OCA2: variants seen among roughly 807,000 people sequenced by gnomAD.
OCA2 encodes the protein OCA2 melanosomal transmembrane protein, also known as P protein.
In OCA2, 77 loss-of-function variants were observed where a neutral mutation model predicts 100.2. That is an observed-to-expected ratio of 0.77 (90% CI 0.64 to 0.93). The LOEUF is 0.93. Among genes scored for constraint, OCA2 ranks in the 40% least tolerant of loss-of-function variants. OCA2 has a pLI of 0.00. For missense variants in OCA2, 1,062 were observed against 1,089.1 expected (o/e 0.98, Z 0.35); for synonymous variants, 432 against 439.2 (o/e 0.98, Z 0.21).
At chr15:28,044,154 C>T (rs2043281391) in intron 2 of OCA2, among the ~76,000 whole-genome samples, 1 of 152,170 alleles carries the variant, frequency 6.6e-6, no homozygotes, top group Non-Finnish European at 1.5e-5. Context: ...GTACAACTTG[C>T]TCAACAGTGA....
At chr15:28,022,044 C>T (rs1338527946) in intron 6 of OCA2, among the ~76,000 whole-genome samples, 1 of 152,216 alleles carries the variant, frequency 6.6e-6, no homozygotes, top group East Asian at 1.9e-4. Flanking sequence ...TCTGTATCTA[C>T]TATCCTACAG....
intron 19 of OCA2, among the ~76,000 whole-genome samples, chr15:27,897,052 T>C (rs886352904): frequency 1.8e-4 from 27 of 151,932 alleles, no homozygotes; most frequent in African/African-American, 6.3e-4. Context: ...TAGCCGGGTG[T>C]GGTGGTGGGT....
chr15:27,769,192 G>A (rs1389217626), intron 23 of OCA2, among the ~76,000 whole-genome samples: 2 of 152,220 alleles, frequency 1.3e-5, no homozygotes, highest in African/African-American at 4.8e-5. Context: ...CCTCCGGGGT[G>A]ATTTTCAATC....
At chr15:27,986,150 G>A (rs2041345915) in intron 12 of OCA2, among the ~76,000 whole-genome samples, 1 of 152,220 alleles carries the variant, frequency 6.6e-6, no homozygotes, top group Non-Finnish European at 1.5e-5. Flanking sequence ...GAGCTGGCTG[G>A]TGAAGCTCCC....
At chr15:27,976,188 C>T (rs759883882) in intron 14 of OCA2, among the ~76,000 whole-genome samples, 13 of 152,132 alleles carry the variant, frequency 8.5e-5, no homozygotes, top group Admixed American at 2.6e-4. Flanking sequence ...TCTACGTGGA[C>T]GATTGTGTCA....
chr15:27,953,328 A>G (rs1198880690), intron 17 of OCA2, among the ~76,000 whole-genome samples: 5 of 151,928 alleles, frequency 3.3e-5, no homozygotes, highest in Admixed American at 3.3e-4. Flanking sequence ...CCCCTCCTCT[A>G]TGTGCAGTGG....
chr15:27,895,552 T>G (rs2037652344), intron 19 of OCA2, among the ~76,000 whole-genome samples: 1 of 152,166 alleles, frequency 6.6e-6, no homozygotes, highest in Non-Finnish European at 1.5e-5. Context: ...TCTTCTTATG[T>G]TTTAGCAAAG....
chr15:27,986,586 C>T lies in OCA2; in HGVS notation c.1239+1G>A. ...ATTATTAAATGCAACATCATACCTA[C>T]CTTTACAGCACAATAATCGAAAAAT... is the stretch of plus-strand genomic sequence containing the variant. On this transcript the variant is annotated splice_donor_variant, in intron 12 of 23. Transcript: ENST00000354638. LOFTEE classifies it high-confidence loss of function. 3 of 1,565,148 alleles carry T rather than the reference C, an allele frequency of 1.9e-6. No individual in the cohort carries two copies. Among genetic ancestry groups the T allele is most frequent in the South Asian group, 1.1e-5 (1 of 90,130 alleles).
At chr15:27,917,621 A>G (rs1027370876) in intron 19 of OCA2, among the ~76,000 whole-genome samples, 2 of 152,162 alleles carry the variant, frequency 1.3e-5, no homozygotes, top group Admixed American at 1.3e-4. Flanking sequence ...TCCAGCTGCA[A>G]TGAGGTCTGT....
intron 22 of OCA2, among the ~76,000 whole-genome samples, chr15:27,850,659 G>T (rs977390137): frequency 6.6e-6 from 1 of 152,114 alleles, no homozygotes; most frequent in Non-Finnish European, 1.5e-5. Flanking sequence ...AACCAGAGAG[G>T]TATTGATTTA....
intron 21 of OCA2, among the ~76,000 whole-genome samples, chr15:27,855,588 C>T (rs1456772566): frequency 6.6e-6 from 1 of 152,234 alleles, no homozygotes; most frequent in Non-Finnish European, 1.5e-5. Context: ...GAGCTTACTT[C>T]CATCATTGCA....
Position 27,795,316 on chromosome 15 carries a change from A to G in OCA2, c.2433-39844T>C, listed in dbSNP as rs143785841. Reference sequence around the variant, plus strand: ...CCTTTTCACAGTAACTATTTTGGACATGTTTTTGTGTCTTTCTCTTTGGCT... The same window carrying G: ...CCTTTTCACAGTAACTATTTTGGACGTGTTTTTGTGTCTTTCTCTTTGGCT... On this transcript the variant is annotated intron_variant, in intron 23 of 23. Transcript: ENST00000354638. 2.0e-4 allele frequency among the ~76,000 whole-genome samples: 30 copies of G among 152,164 alleles called. No homozygotes were observed. The East Asian group carries it at 5.6e-3, about 28-fold the overall frequency.
intron 19 of OCA2, among the ~76,000 whole-genome samples, chr15:27,901,677 CA>C (rs1322212549): frequency 4.6e-5 from 7 of 152,184 alleles, no homozygotes; most frequent in Non-Finnish European, 7.3e-5. Context: ...AAAAGATAGA[CA>C]ATAACCTAAA....
chr15:27,789,916 A>G (rs1254627161), intron 23 of OCA2, among the ~76,000 whole-genome samples: 1 of 152,218 alleles, frequency 6.6e-6, no homozygotes, highest in Non-Finnish European at 1.5e-5. Flanking sequence ...TACTAAAGGC[A>G]TGATCCCCAA....
chr15:28,012,441 G>A (rs1156580879), intron 9 of OCA2, among the ~76,000 whole-genome samples: 1 of 152,192 alleles, frequency 6.6e-6, no homozygotes, highest in African/African-American at 2.4e-5. Context: ...GGAATCCAGG[G>A]ACTGCCCTCC....
chr15:27,863,434 G>C (rs976412543), intron 21 of OCA2, among the ~76,000 whole-genome samples: 2 of 152,168 alleles, frequency 1.3e-5, no homozygotes, highest in Admixed American at 1.3e-4. Context: ...GCCGGGCCTA[G>C]ACCAGCACTT....
chr15:27,748,862 T>C, the OCA2 span, among the ~76,000 whole-genome samples: 1 of 152,162 alleles, frequency 6.6e-6, no homozygotes, highest in Non-Finnish European at 1.5e-5. Context: ...TTGCTGAATG[T>C]GTTCAACAGT....
rs914432442 is a variant in OCA2 at position 27,947,686 on chromosome 15, C to A, written c.1951+4098G>T. 1.5e-3 allele frequency among the ~76,000 whole-genome samples: 225 copies of A among 152,302 alleles called. 1 individual carries two copies. Among genetic ancestry groups the A allele is most frequent in the African/African-American group, 5.0e-3 (207 of 41,566 alleles). On this transcript the variant is annotated intron_variant, in intron 18 of 23. Transcript: ENST00000354638. ...AAGGAGCTATGACCAATGGGCCATG[C>A]GCACCAGCCAGTAAACATTCCTTCT...
rs2141900908 is a variant in OCA2, at chr15:28,081,985, T to C, written c.-21-90A>G. The C allele has an allele frequency of 1.8e-6, 2 of 1,100,666 alleles. 1 individual carries two copies. The highest frequency in any genetic ancestry group is 5.2e-5 in the East Asian group (2 of 38,832). The allele number at this position is 1,100,666 out of a possible 1,614,324, so 68.2% of individuals were successfully genotyped here. On this transcript the variant is annotated intron_variant, in intron 1 of 23. Coordinates refer to ENST00000354638, the MANE Select transcript of OCA2 (RefSeq NM_000275.3). ...GGAGTCCGTACAATAGGAAGGTTGC[T>C]TCTTCGGAGGCGGTCCCAGAGTTCC...
Sources: gnomAD v4.1 joint callset for allele counts (sites outside exome capture counted in the v4.1 genomes callset) on GRCh38, gnomAD v4.1.1 for gene constraint, MANE v1.5 for transcripts, NCBI Gene and HGNC (gene_info 2026-07-23, HGNC 2026-07-21) for gene names.